The following KCNMB3 variants were observed in gnomAD, a reference collection of about 807,000 sequenced individuals.
The protein encoded by KCNMB3 is potassium calcium-activated channel subfamily M regulatory beta subunit 3.
KCNMB3 carries 18 observed loss-of-function variants against 11.9 expected under a neutral mutation model. That is an observed-to-expected ratio of 1.51 (90% CI 1.04 to 2.23). KCNMB3 has a LOEUF of 2.23. Ranked by LOEUF, KCNMB3 falls within the 30% of genes most tolerant of loss-of-function variation. The probability of loss-of-function intolerance (pLI) is 0.00; values close to 1 mark genes in which losing one functional copy is unlikely to be tolerated. For missense variants in KCNMB3, 247 were observed against 329.4 expected, an observed-to-expected ratio of 0.75 and a Z score of 1.94; for synonymous variants, 78 against 119.2, an observed-to-expected ratio of 0.65 and a Z score of 2.25.
intron 1 of KCNMB3, among the ~76,000 whole-genome samples, chr3:179,249,204 G>A (rs1725749289): frequency 1.3e-5 from 2 of 150,002 alleles, no homozygotes; most frequent in Non-Finnish European, 3.0e-5. Context: ...TAGTAGAGAC[G>A]GGGTTTCAGC....
intron 2 of KCNMB3, among the ~76,000 whole-genome samples, chr3:179,243,651 C>T (rs1050922350): frequency 8.5e-5 from 13 of 152,174 alleles, no homozygotes; most frequent in African/African-American, 3.1e-4. Flanking sequence ...GAGCTTTCAA[C>T]GCTTAGTAAT....
At chr3:179,257,797 T>G (rs1726062544) in intron 1 of KCNMB3, among the ~76,000 whole-genome samples, 1 of 152,196 alleles carries the variant, frequency 6.6e-6, no homozygotes, top group South Asian at 2.1e-4. Context: ...ACTGCAGCCT[T>G]GAACTCCTGG....
intron 1 of KCNMB3, among the ~76,000 whole-genome samples, chr3:179,246,730 T>C: frequency 6.6e-6 from 1 of 152,244 alleles, no homozygotes; most frequent in Non-Finnish European, 1.5e-5. Context: ...TTAGAGTTAC[T>C]TTTTTATCTG....
intron 1 of KCNMB3, chr3:179,260,442 C>T (rs1726169338): frequency 1.9e-6 from 3 of 1,613,740 alleles, no homozygotes; most frequent in South Asian, 2.2e-5. Flanking sequence ...TATGTCCACA[C>T]AATCCTTCAC....
At chr3:179,261,715 A>C (rs1443729267) in intron 1 of KCNMB3, among the ~76,000 whole-genome samples, 1 of 152,268 alleles carries the variant, frequency 6.6e-6, no homozygotes, top group East Asian at 1.9e-4. Flanking sequence ...GATGCTGGGC[A>C]GTGGCAGCCA....
intron 1 of KCNMB3, among the ~76,000 whole-genome samples, chr3:179,248,727 CA>C (rs543706677): frequency 0.028 from 2,246 of 80,276 alleles, 9 homozygotes; most frequent in Non-Finnish European, 0.036. Flanking sequence ...CACCCTGCTT[CA>C]AAAAAAAAAA....
chr3:179,254,780 G>A (rs959885571), upstream of KCNMB3, among the ~76,000 whole-genome samples: 1 of 152,160 alleles, frequency 6.6e-6, no homozygotes. Context: ...CCAGCCTAGC[G>A]ACAGAGCAAG....
intron 1 of KCNMB3, chr3:179,261,253 C>T: frequency 3.0e-6 from 4 of 1,317,792 alleles, no homozygotes; most frequent in Middle Eastern, 2.9e-4. Context: ...CCCGGCTCTG[C>T]GTGGCCGCGG....
At chr3:179,251,256 CTT>C, upstream of KCNMB3, 1 of 1,480,112 alleles carries the variant, frequency 6.8e-7, no homozygotes, top group South Asian at 1.4e-5. Flanking sequence ...ACTTTGTTAT[CTT>C]TCAGGGATAT....
intron 1 of KCNMB3, among the ~76,000 whole-genome samples, chr3:179,258,351 CAAT>C (rs1441029923): frequency 6.6e-6 from 1 of 152,190 alleles, no homozygotes; most frequent in Non-Finnish European, 1.5e-5. Flanking sequence ...GTATCATCAA[CAAT>C]GAGATCCAAA....
At chr3:179,251,735 T>A (rs1725851404), upstream of KCNMB3, 5 of 981,838 alleles carry the variant, frequency 5.1e-6, no homozygotes, top group Non-Finnish European at 6.6e-6. Context: ...TTGTGTTTTT[T>A]GGTTTTTTTT....
At position 179,262,406 on chromosome 3, in the gene KCNMB3, G is replaced by C. The variant is rs151231322; in HGVS notation, c.62+4243C>G. Among the ~76,000 whole-genome samples the C allele has an allele frequency of 8.3e-4, 126 of 152,300 alleles. No homozygotes were observed. In the East Asian group the frequency reaches 0.019, roughly 24 times the overall value. ...CTGGAGTTGTTCATTCCTCCCGATG[G>C]GTTCGTGGTCTCCCTGGCTTCAGGA... On this transcript the variant is annotated intron_variant, in intron 1 of 3. Coordinates refer to the KCNMB3 transcript ENST00000349697.
In KCNMB3 at chr3:179,263,787, T is replaced by C. The variant is rs1332378312; in HGVS notation, c.62+2862A>G. On this transcript the variant is annotated intron_variant, in intron 1 of 3. Coordinates refer to the KCNMB3 transcript ENST00000349697. The stretch of plus-strand genomic sequence containing the variant: ...TTTGTTTTTTGTTTCTGTTTTGTTT[T>C]TCTTTTTCTTTTCTTTTTTTTTTTT... Among the ~76,000 whole-genome samples, 3 of 146,744 alleles carry C rather than the reference T, an allele frequency of 2.0e-5. No homozygotes were observed. The Admixed American group carries it at 2.1e-4, about 10-fold the overall frequency.
upstream of KCNMB3, chr3:179,251,551 T>A: frequency 7.5e-7 from 1 of 1,328,720 alleles, no homozygotes; most frequent in Non-Finnish European, 9.6e-7. Context: ...TCATTTCTTC[T>A]CTCCTCTCTC....
At chr3:179,245,842 G>A (rs1725623838) in intron 1 of KCNMB3, among the ~76,000 whole-genome samples, 1 of 152,178 alleles carries the variant, frequency 6.6e-6, no homozygotes, top group African/African-American at 2.4e-5. Flanking sequence ...ATTTTCACAT[G>A]TAATACATAT....
At chr3:179,243,635 C>CA (rs1725538107) in intron 2 of KCNMB3, among the ~76,000 whole-genome samples, 1 of 152,230 alleles carries the variant, frequency 6.6e-6, no homozygotes, top group African/African-American at 2.4e-5. Context: ...TATTGGGCCT[C>CA]ACTATGAGCT....
chr3:179,243,381 T>TTCATA, intron 2 of KCNMB3, 97 bp from the exon 3 acceptor site: 1 of 1,120,612 alleles, frequency 8.9e-7, no homozygotes, highest in Non-Finnish European at 1.3e-6. Context: ...CTGAAGTTAT[T>TTCATA]AGTGGGCAGT....
Position 179,243,273 on chromosome 3 carries a change from T to G in KCNMB3, c.459A>C (p.Thr153=). ...CATTTCTATCTTGGTGGCACTTAGG[T>G]GTGTAAAAGCACTAGGAATATGGAA... is the stretch of plus-strand genomic sequence containing the variant. ...AVQINPKCFY[T]PKCHQDRNDL... The change falls in exon 3 of 3, where the codon ACA becomes ACC. Residue 153 remains threonine (T), a synonymous_variant. Coordinates refer to ENST00000392685, the MANE Select transcript of KCNMB3 (RefSeq NM_171830.2). 1 of 1,180,300 alleles carries G rather than the reference T, an allele frequency of 8.5e-7. No homozygotes were observed. The highest frequency in any genetic ancestry group is 1.4e-5 in the South Asian group (1 of 70,312). 73.1% of individuals were successfully genotyped at this position (1,180,300 alleles called of 1,614,324 possible). A position where few individuals can be genotyped will look rare whatever the true frequency, so the allele number is the denominator to read the frequency against.
chr3:179,264,449 C>T (rs998462632), intron 1 of KCNMB3, among the ~76,000 whole-genome samples: 1 of 152,098 alleles, frequency 6.6e-6, no homozygotes, highest in Non-Finnish European at 1.5e-5. Context: ...CATATTGATT[C>T]CTTTTTCTGC....
Sources: allele counts gnomAD v4.1 joint callset (sites outside exome capture counted in the v4.1 genomes callset), GRCh38; gene constraint gnomAD v4.1.1; transcripts MANE v1.5; gene names NCBI Gene and HGNC (gene_info 2026-07-23, HGNC 2026-07-21).